ELL2: variants seen among roughly 807,000 people sequenced by gnomAD.
The protein encoded by ELL2 is elongation factor for RNA polymerase II 2.
ELL2 carries 21 observed loss-of-function variants against 72.8 expected under a neutral mutation model. The observed-to-expected ratio is 0.29, with a 90% confidence interval of 0.20 to 0.42. The LOEUF (loss-of-function observed/expected upper bound fraction) is 0.42, where lower values mean the gene tolerates loss of function less well. Among genes scored for constraint, ELL2 ranks in the 10% least tolerant of loss-of-function variants. The pLI, the probability that ELL2 is intolerant of heterozygous loss-of-function variation, is 1.00. For missense variants in ELL2, 568 were observed against 772.8 expected (o/e 0.73, Z 3.14); for synonymous variants, 266 against 283.2 (o/e 0.94, Z 0.61).
intron 5 of ELL2, among the ~76,000 whole-genome samples, chr5:95,904,037 C>T (rs1475102101): frequency 6.6e-6 from 1 of 152,194 alleles, no homozygotes; most frequent in Admixed American, 6.5e-5. Context: ...TCTACTCCTG[C>T]CCCTCCAAGC....
chr5:95,921,841 A>G (rs149964061), intron 2 of ELL2, among the ~76,000 whole-genome samples: 2 of 152,254 alleles, frequency 1.3e-5, no homozygotes, highest in African/African-American at 2.4e-5. Flanking sequence ...ACTTCCATCC[A>G]TCTTCTCCCC....
intron 2 of ELL2, among the ~76,000 whole-genome samples, chr5:95,929,298 G>A (rs1428342815): frequency 8.1e-5 from 12 of 148,150 alleles, no homozygotes; most frequent in East Asian, 2.0e-4. Context: ...TCGCTCTGTC[G>A]CCCAGGCTGG....
chr5:95,903,208 CTTTTTTTTTTT>C (rs35628427), intron 5 of ELL2, among the ~76,000 whole-genome samples: 1 of 56,168 alleles, frequency 1.8e-5, no homozygotes, highest in Non-Finnish European at 3.1e-5. Flanking sequence ...CTCTTAGGAC[CTTTTTTTTTTT>C]TTTTTTTTTT....
At chr5:95,889,260 A>C (rs1015580745) in intron 10 of ELL2, 130 bp from the exon 11 acceptor site, 1 of 740,812 alleles carries the variant, frequency 1.3e-6, no homozygotes, top group African/African-American at 1.8e-5. Flanking sequence ...AACAATCTTT[A>C]TGGAAGGCAA....
chr5:95,917,910 G>T (rs1749883622), intron 3 of ELL2, among the ~76,000 whole-genome samples: 1 of 152,102 alleles, frequency 6.6e-6, no homozygotes, highest in Admixed American at 6.5e-5. Flanking sequence ...ATCAAAATGT[G>T]CTCACTATAA....
Position 95,961,591 on chromosome 5 carries a change from G to A in ELL2, c.131C>T (p.Thr44Ile). The change falls in exon 1 of 12, where the codon ACT (threonine) becomes ATT (isoleucine). Residue 44 changes from threonine to isoleucine, a missense_variant. By Grantham distance (89) the Thr-to-Ile change is moderately conservative. Transcript: ENST00000237853. ...LTETAIRALE[T>I]YQSHKNLIPF... ...CCCGCTCACCTTGTGGCTCTGGTAA[G>A]TCTCGAGCGCCCGGATCGCCGTCTC... is the stretch of plus-strand genomic sequence containing the variant. 6.2e-7 allele frequency: 1 copy of A among 1,603,760 alleles called. No homozygotes were observed. The highest frequency in any genetic ancestry group is 8.5e-7 in the Non-Finnish European group (1 of 1,176,204).
chr5:95,889,045 T>C (rs1219697515), intron 11 of ELL2, 41 bp downstream of exon 11: 1 of 1,595,440 alleles, frequency 6.3e-7, no homozygotes, highest in South Asian at 1.2e-5. Context: ...TTACAACATT[T>C]TTCAACCACA....
At chr5:95,935,455 A>T (rs1412714002) in intron 2 of ELL2, among the ~76,000 whole-genome samples, 1 of 152,228 alleles carries the variant, frequency 6.6e-6, no homozygotes, top group Non-Finnish European at 1.5e-5. Context: ...AGTATTCTTT[A>T]ACAGCTAGAA....
At chr5:95,944,927 T>A (rs757951961) in intron 1 of ELL2, among the ~76,000 whole-genome samples, 14 of 152,208 alleles carry the variant, frequency 9.2e-5, no homozygotes, top group Non-Finnish European at 1.9e-4. Context: ...AGCTTTCAAA[T>A]TGCTGATATC....
chr5:95,955,416 C>A lies in ELL2; in HGVS notation c.147+6159G>T, dbSNP rs1253652751. On this transcript the variant is annotated intron_variant, in intron 1 of 11. Transcript: ENST00000237853. ...AAACCATGCAAATGCCAGTTTTGGT[C>A]TTTGCTGGCAAAGTATTAGTGGCAA... Among the ~76,000 whole-genome samples, 3 of 152,134 alleles carry A rather than the reference C, an allele frequency of 2.0e-5. No individual in the cohort carries two copies. In the East Asian group the frequency reaches 5.8e-4, roughly 29 times the overall value.
chr5:95,893,426 C>A (rs900629120), intron 9 of ELL2, among the ~76,000 whole-genome samples: 1 of 152,236 alleles, frequency 6.6e-6, no homozygotes, highest in African/African-American at 2.4e-5. Context: ...GCTCTGTCGC[C>A]CAGGCTGGAG....
At chr5:95,896,362 G>T (rs1344181217) in intron 8 of ELL2, among the ~76,000 whole-genome samples, 3 of 151,774 alleles carry the variant, frequency 2.0e-5, no homozygotes, top group Non-Finnish European at 4.4e-5. Flanking sequence ...TATGCCATTT[G>T]CTTAAATGCA....
intron 2 of ELL2, among the ~76,000 whole-genome samples, chr5:95,936,666 C>T (rs1750784339): frequency 6.6e-6 from 1 of 151,996 alleles, no homozygotes; most frequent in Non-Finnish European, 1.5e-5. Context: ...GCCTATAGTC[C>T]CAGCTACCCA....
At chr5:95,935,421 G>A (rs904618850) in intron 2 of ELL2, among the ~76,000 whole-genome samples, 2 of 152,142 alleles carry the variant, frequency 1.3e-5, no homozygotes, top group African/African-American at 2.4e-5. Flanking sequence ...CAATAGTCAT[G>A]CTTTCAGTAT....
At chr5:95,907,296 A>ATTTTTTTTTTT (rs1211663802) in intron 4 of ELL2, among the ~76,000 whole-genome samples, 56 of 116,476 alleles carry the variant, frequency 4.8e-4, no homozygotes, top group African/African-American at 2.0e-3. Flanking sequence ...ATATATATAT[A>ATTTTTTTTTTT]TTTTTTTTTT....
chr5:95,934,684 G>C (rs1426580705), intron 2 of ELL2, among the ~76,000 whole-genome samples: 2 of 152,166 alleles, frequency 1.3e-5, no homozygotes, highest in African/African-American at 4.8e-5. Context: ...CAAGATATTA[G>C]CTGGTGTCTA....
At chr5:95,914,737 C>T (rs541326849) in intron 3 of ELL2, among the ~76,000 whole-genome samples, 39 of 152,070 alleles carry the variant, frequency 2.6e-4, no homozygotes, top group Middle Eastern at 3.4e-3. Context: ...TCCAGCTAGT[C>T]AGGAGACTGA....
Position 95,920,004 on chromosome 5 carries a change from TA to T in ELL2, c.196-460del, listed in dbSNP as rs557132307. ...ATATCCGAATCTTTGGCTCTTATAA[TA>T]AAAAAACACATTTCATTTTAATTCT... On this transcript the variant is annotated intron_variant, in intron 2 of 11. Transcript: ENST00000237853. Among the ~76,000 whole-genome samples, 1,314 of 152,204 alleles carry T rather than the reference TA, an allele frequency of 8.6e-3. 17 individuals are homozygous for T. The highest frequency in any genetic ancestry group is 0.031 in the African/African-American group (1,268 of 41,524).
intron 1 of ELL2, among the ~76,000 whole-genome samples, chr5:95,952,342 T>C (rs972869800): frequency 6.6e-6 from 1 of 152,108 alleles, no homozygotes; most frequent in Non-Finnish European, 1.5e-5. Flanking sequence ...ATCAAAAAAC[T>C]ACCTATTGGG....
Sources: gnomAD v4.1 joint callset for allele counts (sites outside exome capture counted in the v4.1 genomes callset) on GRCh38, gnomAD v4.1.1 for gene constraint, MANE v1.5 for transcripts, NCBI Gene and HGNC (gene_info 2026-07-23, HGNC 2026-07-21) for gene names.